Variants in ZMAT4 observed in about 807,000 individuals in gnomAD.
ZMAT4 encodes the protein zinc finger matrin-type protein 4.
ZMAT4 carries 17 observed loss-of-function variants against 28.7 expected under a neutral mutation model. The ratio of observed to expected loss-of-function variants is 0.59; its 90% CI spans 0.41 to 0.89. The LOEUF (loss-of-function observed/expected upper bound fraction) is 0.89, where lower values mean the gene tolerates loss of function less well. Ranked by LOEUF, ZMAT4 falls within the 40% of genes least tolerant of loss-of-function variation. The pLI, the probability that ZMAT4 is intolerant of heterozygous loss-of-function variation, is 0.00. For synonymous variants in ZMAT4, 117 were observed against 109.2 expected (o/e 1.07, Z -0.44); for missense variants, 240 against 283.8 (o/e 0.85, Z 1.11).
intron 5 of ZMAT4, among the ~76,000 whole-genome samples, chr8:40,585,203 T>C (rs1804627100): frequency 6.6e-6 from 1 of 152,118 alleles, no homozygotes; most frequent in East Asian, 1.9e-4. Flanking sequence ...TAAGAGTCCA[T>C]TTAATTATGA....
chr8:40,805,807 G>A (rs1290483831), intron 2 of ZMAT4, among the ~76,000 whole-genome samples: 2 of 128,848 alleles, frequency 1.6e-5, no homozygotes, highest in African/African-American at 2.9e-5. Flanking sequence ...GGGGAGGGGG[G>A]AGGGATGGCA....
chr8:40,733,891 A>C (rs1399917043), intron 3 of ZMAT4, among the ~76,000 whole-genome samples: 1 of 152,168 alleles, frequency 6.6e-6, no homozygotes, highest in Non-Finnish European at 1.5e-5. Context: ...CCTTGCCCTG[A>C]AGGTGCTGAC....
rs548153543 is a variant in ZMAT4, at chr8:40,872,459, G to C, written c.-5+25224C>G. 2.6e-5 allele frequency among the ~76,000 whole-genome samples: 4 copies of C among 152,324 alleles called. No individual in the cohort carries two copies. In the South Asian group the frequency reaches 8.3e-4, roughly 32 times the overall value. The stretch of plus-strand genomic sequence containing the variant: ...TACCCCCCCCAACCCTGGAGAAGGA[G>C]AGTAAACAAGCTGGGAAATGCCACC... On this transcript the variant is annotated intron_variant, in intron 1 of 6. Coordinates refer to ENST00000297737, the MANE Select transcript of ZMAT4 (RefSeq NM_024645.3).
chr8:40,672,848 CAT>C (rs1488395183), intron 5 of ZMAT4, among the ~76,000 whole-genome samples: 1 of 152,162 alleles, frequency 6.6e-6, no homozygotes, highest in Non-Finnish European at 1.5e-5. Flanking sequence ...AGACTGAAAA[CAT>C]ATGAAATCCT....
intron 3 of ZMAT4, 135 bp downstream of exon 3, chr8:40,767,506 T>G (rs1479284160): frequency 1.4e-6 from 1 of 692,812 alleles, no homozygotes; most frequent in East Asian, 2.9e-5. Context: ...ATAGTACCTG[T>G]AATATTTAGT....
intron 5 of ZMAT4, among the ~76,000 whole-genome samples, chr8:40,659,175 C>T (rs1451390427): frequency 2.0e-5 from 3 of 152,114 alleles, no homozygotes; most frequent in Non-Finnish European, 4.4e-5. Context: ...CCACTGACGA[C>T]TCCACTAAAT....
intron 3 of ZMAT4, among the ~76,000 whole-genome samples, chr8:40,750,203 A>T (rs1029413649): frequency 7.9e-5 from 12 of 152,150 alleles, no homozygotes; most frequent in Admixed American, 3.3e-4. Context: ...AGGCAAAAAG[A>T]AAAAATATAT....
In ZMAT4 at chr8:40,532,199, C is replaced by T. The variant is rs368817026; in HGVS notation, c.*24G>A. On this transcript the variant is annotated 3_prime_UTR_variant, in exon 7 of 7. Coordinates refer to ENST00000297737, the MANE Select transcript of ZMAT4 (RefSeq NM_024645.3). The stretch of plus-strand genomic sequence containing the variant: ...GGCAGAGAAATGCTAATGTTTTGTT[C>T]TTATGTCTTGATTGATGCTTTCACT... The T allele has an allele frequency of 8.2e-6, 13 of 1,592,350 alleles. No homozygotes were observed. Among genetic ancestry groups the T allele is most frequent in the African/African-American group, 1.3e-5 (1 of 74,102 alleles).
intron 5 of ZMAT4, among the ~76,000 whole-genome samples, chr8:40,584,419 C>A (rs1163513157): frequency 6.6e-6 from 1 of 152,078 alleles, no homozygotes; most frequent in Non-Finnish European, 1.5e-5. Context: ...GGACAATTAA[C>A]TTTTAATAAA....
At chr8:40,698,640 A>G (rs1809998136) in intron 3 of ZMAT4, among the ~76,000 whole-genome samples, 1 of 152,226 alleles carries the variant, frequency 6.6e-6, no homozygotes. Flanking sequence ...TTATCTGCAT[A>G]GTAATAAGAT....
intron 5 of ZMAT4, among the ~76,000 whole-genome samples, chr8:40,635,690 T>C (rs908482075): frequency 1.3e-5 from 2 of 152,232 alleles, no homozygotes; most frequent in Admixed American, 1.3e-4. Flanking sequence ...ATTGCTGCTT[T>C]TTAATTTATT....
At chr8:40,697,520 T>C in intron 3 of ZMAT4, 119 bp from the exon 4 acceptor site, 1 of 1,106,770 alleles carries the variant, frequency 9.0e-7, no homozygotes, top group Non-Finnish European at 1.2e-6. Flanking sequence ...GCAAGCTGTC[T>C]CTCTCTCTTT....
At chr8:40,693,222 T>A (rs986042631) in intron 4 of ZMAT4, among the ~76,000 whole-genome samples, 9 of 152,040 alleles carry the variant, frequency 5.9e-5, no homozygotes, top group Non-Finnish European at 1.2e-4. Flanking sequence ...GCTAAATCAA[T>A]CCTCCCACCT....
At chr8:40,629,212 T>C (rs1029057257) in intron 5 of ZMAT4, among the ~76,000 whole-genome samples, 4 of 151,906 alleles carry the variant, frequency 2.6e-5, no homozygotes, top group African/African-American at 9.7e-5. Context: ...AAAAAATTGA[T>C]TTGTCCATTT....
intron 2 of ZMAT4, among the ~76,000 whole-genome samples, chr8:40,782,928 AG>A (rs1813897855): frequency 6.6e-6 from 1 of 152,256 alleles, no homozygotes; most frequent in Non-Finnish European, 1.5e-5. Context: ...GTGTTCCCCA[AG>A]GAAGTGGAGA....
Position 40,705,431 on chromosome 8 carries a change from T to A in ZMAT4, c.193-8030A>T, listed in dbSNP as rs75019507. Among the ~76,000 whole-genome samples the A allele has an allele frequency of 5.5e-4, 84 of 152,312 alleles. No individual in the cohort carries two copies. In the East Asian group the frequency reaches 0.014, roughly 25 times the overall value. On this transcript the variant is annotated intron_variant, in intron 3 of 6. Transcript: ENST00000297737. Reference sequence around the variant, plus strand: ...GAATTAGATGACTTAGATATTTAAATGTGCTTATTTACTATCTGTCTCTGA... The same window carrying A: ...GAATTAGATGACTTAGATATTTAAAAGTGCTTATTTACTATCTGTCTCTGA...
chr8:40,853,655 G>T (rs1007653969), intron 1 of ZMAT4, among the ~76,000 whole-genome samples: 1 of 152,172 alleles, frequency 6.6e-6, no homozygotes, highest in Non-Finnish European at 1.5e-5. Context: ...TCTTTTTACT[G>T]TGGGTGTGAG....
intron 5 of ZMAT4, among the ~76,000 whole-genome samples, chr8:40,594,053 G>A (rs974210978): frequency 4.6e-5 from 7 of 152,178 alleles, no homozygotes; most frequent in Non-Finnish European, 8.8e-5. Context: ...GGCCAGTTAG[G>A]TTGGAGAGAG....
At chr8:40,740,432 T>G (rs1811950725) in intron 3 of ZMAT4, among the ~76,000 whole-genome samples, 2 of 152,214 alleles carry the variant, frequency 1.3e-5, no homozygotes, top group Non-Finnish European at 2.9e-5. Context: ...TCTATTGAAA[T>G]GCAACCATCA....
Sources: gnomAD v4.1 joint callset for allele counts (sites outside exome capture counted in the v4.1 genomes callset) on GRCh38, gnomAD v4.1.1 for gene constraint, MANE v1.5 for transcripts, NCBI Gene and HGNC (gene_info 2026-07-23, HGNC 2026-07-21) for gene names.